RUNDC3B: variants seen among roughly 807,000 people sequenced by gnomAD.
The protein encoded by RUNDC3B is RUN domain-containing protein 3B.
RUNDC3B carries 33 observed loss-of-function variants against 58.4 expected under a neutral mutation model. The ratio of observed to expected loss-of-function variants is 0.56; its 90% confidence interval spans 0.43 to 0.75. The LOEUF is 0.75. Ranked by LOEUF, RUNDC3B falls within the 30% of genes least tolerant of loss-of-function variation. The probability of loss-of-function intolerance (pLI) is 0.00; values close to 1 mark genes in which losing one functional copy is unlikely to be tolerated. For synonymous variants in RUNDC3B, 193 were observed against 195.2 expected, an observed-to-expected ratio of 0.99 and a Z score of 0.10; for missense variants, 501 against 535.7, an observed-to-expected ratio of 0.94 and a Z score of 0.64.
At chr7:87,821,506 C>A (rs1204276381) in intron 10 of RUNDC3B, among the ~76,000 whole-genome samples, 1 of 152,172 alleles carries the variant, frequency 6.6e-6, no homozygotes, top group Non-Finnish European at 1.5e-5. Context: ...CATCAAGCTA[C>A]CAATGACTTT....
At chr7:87,734,232 C>CA (rs1831782543) in intron 4 of RUNDC3B, among the ~76,000 whole-genome samples, 1 of 152,074 alleles carries the variant, frequency 6.6e-6, no homozygotes, top group African/African-American at 2.4e-5. Context: ...AACAGTCTGG[C>CA]AATTTTTCAA....
chr7:87,784,082 A>G lies in RUNDC3B; in HGVS notation c.956+6127A>G, dbSNP rs560169508. 1.2e-4 allele frequency among the ~76,000 whole-genome samples: 18 copies of G among 152,276 alleles called. No individual in the cohort carries two copies. In the South Asian group the frequency reaches 3.7e-3, roughly 32 times the overall value. On this transcript the variant is annotated intron_variant, in intron 8 of 10. Transcript: ENST00000394654. ...ATCAGGGAAATTTTTCAGTTCCAGA[A>G]GTTCACTTTAGTTCTTTCTTAAAAT...
intron 2 of RUNDC3B, among the ~76,000 whole-genome samples, chr7:87,660,791 T>G (rs2130447639): frequency 6.6e-6 from 1 of 152,114 alleles, no homozygotes; most frequent in East Asian, 1.9e-4. Context: ...TTTTAAGTAA[T>G]TTCTACTTGT....
At position 87,682,769 on chromosome 7, in the gene RUNDC3B, T is replaced by C. The variant is rs537794702; in HGVS notation, c.239-17652T>C. Among the ~76,000 whole-genome samples the C allele has an allele frequency of 3.7e-4, 56 of 152,266 alleles. 1 individual carries two copies. In the South Asian group the frequency reaches 0.011, roughly 29 times the overall value. On this transcript the variant is annotated intron_variant, in intron 2 of 10. Transcript: ENST00000394654. ...GCATAATTCTTAAATACCCTAGGATTTTTTGGAATGGTAAATAAGCATTGG... is the reference window on the plus strand; with the variant it reads ...GCATAATTCTTAAATACCCTAGGATCTTTTGGAATGGTAAATAAGCATTGG...
At chr7:87,768,449 G>A (rs1270043698) in intron 6 of RUNDC3B, among the ~76,000 whole-genome samples, 1 of 152,220 alleles carries the variant, frequency 6.6e-6, no homozygotes, top group Non-Finnish European at 1.5e-5. Flanking sequence ...CACAAGGGCT[G>A]AGATTCCCTG....
chr7:87,711,204 T>C (rs1419691199), intron 4 of RUNDC3B, among the ~76,000 whole-genome samples: 4 of 151,814 alleles, frequency 2.6e-5, no homozygotes, highest in Non-Finnish European at 5.9e-5. Flanking sequence ...TGCATGCCTG[T>C]AATCCCAGCT....
intron 4 of RUNDC3B, among the ~76,000 whole-genome samples, chr7:87,714,869 G>A (rs1382576087): frequency 1.3e-5 from 2 of 152,016 alleles, no homozygotes; most frequent in African/African-American, 4.8e-5. Flanking sequence ...TCTTGGTGAT[G>A]TGAAACCTCC....
intron 1 of RUNDC3B, among the ~76,000 whole-genome samples, chr7:87,638,209 G>A (rs1288575649): frequency 6.6e-6 from 1 of 151,960 alleles, no homozygotes; most frequent in Non-Finnish European, 1.5e-5. Context: ...TTGCATTTAG[G>A]GTGTTAATAT....
chr7:87,821,216 A>C (rs1391641919), intron 10 of RUNDC3B, among the ~76,000 whole-genome samples: 4 of 152,094 alleles, frequency 2.6e-5, no homozygotes, highest in African/African-American at 9.7e-5. Flanking sequence ...ATCAATGTAC[A>C]AAACTCACAA....
At chr7:87,815,265 A>G (rs1454441210) in intron 9 of RUNDC3B, among the ~76,000 whole-genome samples, 1 of 152,154 alleles carries the variant, frequency 6.6e-6, no homozygotes, top group African/African-American at 2.4e-5. Flanking sequence ...GCATTCCTAT[A>G]AAAATTATTG....
At chr7:87,733,902 G>A (rs118089956) in intron 4 of RUNDC3B, among the ~76,000 whole-genome samples, 3,828 of 152,232 alleles carry the variant, frequency 0.025, 67 homozygotes, top group Middle Eastern at 0.062. Flanking sequence ...GGACCCCTGC[G>A]ATAAGGGTTT....
intron 6 of RUNDC3B, among the ~76,000 whole-genome samples, chr7:87,750,142 T>C (rs1400383469): frequency 6.6e-6 from 1 of 152,060 alleles, no homozygotes; most frequent in Non-Finnish European, 1.5e-5. Flanking sequence ...GGTTTTTTGT[T>C]CTTGCGATAG....
chr7:87,790,705 T>G (rs1445409913), intron 8 of RUNDC3B, among the ~76,000 whole-genome samples: 1 of 151,970 alleles, frequency 6.6e-6, no homozygotes, highest in Non-Finnish European at 1.5e-5. Flanking sequence ...TACTGAAGAA[T>G]GCATCAGAGT....
chr7:87,826,425 C>T (rs1174961253), intron 10 of RUNDC3B, among the ~76,000 whole-genome samples: 1 of 151,372 alleles, frequency 6.6e-6, no homozygotes, highest in Admixed American at 6.6e-5. Context: ...TTATTTCATA[C>T]ATTTCCAAGT....
At chr7:87,761,638 A>G (rs1833687263) in intron 6 of RUNDC3B, among the ~76,000 whole-genome samples, 1 of 151,978 alleles carries the variant, frequency 6.6e-6, no homozygotes, top group Admixed American at 6.6e-5. Flanking sequence ...ACTCAGCCTT[A>G]AAATGGGATG....
intron 3 of RUNDC3B, among the ~76,000 whole-genome samples, chr7:87,708,120 A>G (rs994284278): frequency 2.0e-5 from 3 of 152,186 alleles, no homozygotes; most frequent in African/African-American, 7.2e-5. Flanking sequence ...AAAGAAATAC[A>G]TTAAAGTCAA....
rs76733750 is a variant in RUNDC3B, at chr7:87,783,197, A to G, written c.956+5242A>G. On this transcript the variant is annotated intron_variant, in intron 8 of 10. Transcript: ENST00000394654. ...TTTGTGTATGTGTGTGTGTGTGTGTATATGACAGTTAAGTCTTTTTGTTGT... is the reference window on the plus strand; with the variant it reads ...TTTGTGTATGTGTGTGTGTGTGTGTGTATGACAGTTAAGTCTTTTTGTTGT... Among the ~76,000 whole-genome samples, 1,126 of 151,598 alleles carry G rather than the reference A, an allele frequency of 7.4e-3. 7 individuals carry two copies. The highest frequency in any genetic ancestry group is 0.048 in the East Asian group (250 of 5,162).
chr7:87,689,292 G>T (rs1375338683), intron 2 of RUNDC3B, among the ~76,000 whole-genome samples: 1 of 151,870 alleles, frequency 6.6e-6, no homozygotes, highest in African/African-American at 2.4e-5. Flanking sequence ...TCATGTTTAT[G>T]TTCATTTATC....
intron 6 of RUNDC3B, among the ~76,000 whole-genome samples, chr7:87,751,058 A>G (rs1832951967): frequency 6.6e-6 from 1 of 152,144 alleles, no homozygotes; most frequent in Non-Finnish European, 1.5e-5. Flanking sequence ...ATTTTTGTAT[A>G]AGGTGTAAGG....
Sources: gnomAD v4.1 joint callset for allele counts (sites outside exome capture counted in the v4.1 genomes callset) on GRCh38, gnomAD v4.1.1 for gene constraint, MANE v1.5 for transcripts, NCBI Gene and HGNC (gene_info 2026-07-23, HGNC 2026-07-21) for gene names.